ADGRG1: variants seen among roughly 807,000 people sequenced by gnomAD.
ADGRG1 encodes 7-transmembrane protein with no EGF-like N-terminal domains-1.
Under a neutral mutation model 73.5 loss-of-function variants are expected in ADGRG1, and 53 were observed. The observed-to-expected ratio is 0.72, with a 90% CI of 0.58 to 0.91. ADGRG1 has a LOEUF of 0.91. Ranked by LOEUF, ADGRG1 falls within the 40% of genes least tolerant of loss-of-function variation. The pLI is 0.00. For synonymous variants in ADGRG1, 394 were observed against 374.4 expected (o/e 1.05, Z -0.60); for missense variants, 795 against 871.8 (o/e 0.91, Z 1.11).
chr16:57,665,446 A>T lies in ADGRG1; in HGVS notation c.*1864A>T, dbSNP rs935811829. 21 of 152,194 alleles carry T rather than the reference A, an allele frequency of 1.4e-4. No homozygotes were observed. The highest frequency in any genetic ancestry group is 4.8e-4 in the African/African-American group (20 of 41,442). The allele number at this position is 152,194 out of a possible 1,614,324, so 9.4% of individuals were successfully genotyped here. ...ATTTTAAAATTTTGGCGAATCCAAA[A>T]CATTTTCTGGCCAAAGAGATTACAG... On this transcript the variant is annotated 3_prime_UTR_variant, in exon 14 of 14. Coordinates refer to ENST00000562631, the MANE Select transcript of ADGRG1 (RefSeq NM_201525.4).
rs2040157065 is a variant in ADGRG1 at position 57,639,333 on chromosome 16, G to C, written c.-36+10531G>C. 7.1e-6 allele frequency: 7 copies of C among 985,524 alleles called. No homozygotes were observed. In the South Asian group the frequency reaches 2.3e-4, roughly 33 times the overall value. 61.0% of individuals were successfully genotyped at this position (985,524 alleles called of 1,614,324 possible). On this transcript the variant is annotated intron_variant, in intron 1 of 13. Coordinates refer to ENST00000562631, the MANE Select transcript of ADGRG1 (RefSeq NM_201525.4). ...ACAAGTTACGGAGCCACGTTGCTTTGCTGGGTCTGAGCCGGGGTGTGACGT... is the reference window on the plus strand; with the variant it reads ...ACAAGTTACGGAGCCACGTTGCTTTCCTGGGTCTGAGCCGGGGTGTGACGT...
upstream of ADGRG1, chr16:57,626,619 G>GGCAGCTGGCTCCGCACTCTCTTCA: frequency 1.0e-6 from 1 of 985,454 alleles, no homozygotes; most frequent in Non-Finnish European, 1.2e-6. Context: ...TGGCCAGAGT[G>GGCAGCTGGCTCCGCACTCTCTTCA]GCAGCTGGCT....
intron 1 of ADGRG1, chr16:57,643,542 G>T (rs1314745259): frequency 3.0e-5 from 30 of 984,090 alleles, no homozygotes; most frequent in Non-Finnish European, 3.6e-5. Context: ...GGACAGTGAG[G>T]CCTGAGCTGG....
chr16:57,648,962 G>A (rs2043341431), intron 1 of ADGRG1, among the ~76,000 whole-genome samples: 1 of 152,234 alleles, frequency 6.6e-6, no homozygotes, highest in African/African-American at 2.4e-5. Context: ...CTGTGCAATG[G>A]GTCAACAGCA....
chr16:57,624,734 C>T (rs1244656710), upstream of ADGRG1: 3 of 983,362 alleles, frequency 3.1e-6, no homozygotes, highest in Admixed American at 6.1e-5. Context: ...GATGCCCTAA[C>T]CCCTTATCCC....
At chr16:57,644,292 T>C in intron 1 of ADGRG1, 1 of 662,694 alleles carries the variant, frequency 1.5e-6, no homozygotes, top group South Asian at 6.7e-5. Context: ...CACACACTCA[T>C]GCTCAGGCAC....
chr16:57,628,435 C>T (rs1298524183), upstream of ADGRG1: 5 of 813,616 alleles, frequency 6.1e-6, no homozygotes, highest in Non-Finnish European at 7.4e-6. Context: ...CCTTGCCCGG[C>T]GCTGAGTCAT....
At chr16:57,624,042 T>A (rs1254061935), upstream of ADGRG1, 1 of 279,052 alleles carries the variant, frequency 3.6e-6, no homozygotes, top group East Asian at 1.7e-4. Flanking sequence ...AATGGTGGAG[T>A]TCTGGGCCTT....
intron 6 of ADGRG1, 60 bp from the exon 7 acceptor site, chr16:57,655,816 G>A (rs2045572438): frequency 3.1e-6 from 5 of 1,613,548 alleles, no homozygotes; most frequent in African/African-American, 1.3e-5. Context: ...GGGCTTCTGG[G>A]CCCTTCTTCT....
chr16:57,662,699 G>A (rs1469099874), intron 13 of ADGRG1, among the ~76,000 whole-genome samples: 1 of 152,228 alleles, frequency 6.6e-6, no homozygotes, highest in Middle Eastern at 3.4e-3. Context: ...GCGGGTCGGG[G>A]CGGAGAGGTG....
upstream of ADGRG1, among the ~76,000 whole-genome samples, chr16:57,623,517 G>A (rs1195882024): frequency 2.0e-5 from 3 of 152,216 alleles, no homozygotes; most frequent in African/African-American, 7.2e-5. Context: ...CATCTGAGCT[G>A]GCACCAAGGC....
Position 57,628,719 on chromosome 16 carries a change from G to T in ADGRG1, c.-119G>T. ...CACTCGGCAGGCAGCGGGGACCAGG[G>T]CTGGCAGGTTAAGCCTCTGGGGGTG... On this transcript the variant is annotated 5_prime_UTR_variant, in exon 1 of 14. Transcript: ENST00000562631. 1 of 985,550 alleles carries T rather than the reference G, an allele frequency of 1.0e-6. No homozygotes were observed. Among genetic ancestry groups the T allele is most frequent in the Non-Finnish European group, 1.2e-6 (1 of 829,990 alleles). The allele number at this position is 985,550 out of a possible 1,614,324, so 61.1% of individuals were successfully genotyped here. A position where few individuals can be genotyped will look rare whatever the true frequency, so the allele number is the denominator to read the frequency against.
chr16:57,628,290 C>T (rs928685142), upstream of ADGRG1: 25 of 669,920 alleles, frequency 3.7e-5, no homozygotes, highest in Non-Finnish European at 4.2e-5. Context: ...GTGGCAACCC[C>T]GGCCTCTCTG....
At chr16:57,626,891 C>T (rs1282007336), upstream of ADGRG1, 1 of 984,048 alleles carries the variant, frequency 1.0e-6, no homozygotes, top group African/African-American at 1.7e-5. Flanking sequence ...ACTCACTTGT[C>T]CTCCCTTGTT....
At position 57,647,159 on chromosome 16, in the gene ADGRG1, C is replaced by G. The variant is rs560631286; in HGVS notation, c.-35-3094C>G. ...GAAGGAGGGGCGCTAAGTGGACAAG[C>G]GTGACAGTGTCCCCCTGCCCAATCT... On this transcript the variant is annotated intron_variant, in intron 1 of 13. Transcript: ENST00000562631. 1.3e-3 allele frequency: 1,256 copies of G among 985,366 alleles called. 30 individuals carry two copies. The South Asian group carries it at 0.049, about 39-fold the overall frequency. The allele number at this position is 985,366 out of a possible 1,614,324, so 61.0% of individuals were successfully genotyped here.
intron 1 of ADGRG1, chr16:57,629,005 T>A: frequency 4.0e-6 from 2 of 504,874 alleles, no homozygotes; most frequent in Non-Finnish European, 2.5e-6. Context: ...AGTGTGAGTG[T>A]GAGAGTGTGA....
rs1393475143 is a variant in ADGRG1 at position 57,663,840 on chromosome 16, C to G, written c.*258C>G. 3.6e-6 allele frequency: 2 copies of G among 559,048 alleles called. No individual in the cohort carries two copies. The highest frequency in any genetic ancestry group is 6.4e-6 in the Non-Finnish European group (2 of 310,620). The allele number at this position is 559,048 out of a possible 1,614,324, so 34.6% of individuals were successfully genotyped here. On this transcript the variant is annotated 3_prime_UTR_variant, in exon 14 of 14. Coordinates refer to ENST00000562631, the MANE Select transcript of ADGRG1 (RefSeq NM_201525.4). ...CCGCCATGCTGCCTAGGGTACTGTC[C>G]CCACATCTGTCCCAACCCAGCTGGA...
chr16:57,645,076 C>T (rs2042247813), intron 1 of ADGRG1: 1 of 985,302 alleles, frequency 1.0e-6, no homozygotes, highest in African/African-American at 1.7e-5. Context: ...CACACACCCA[C>T]ATGCCTGTGT....
chr16:57,630,396 T>C, intron 1 of ADGRG1: 4 of 985,786 alleles, frequency 4.1e-6, no homozygotes, highest in Non-Finnish European at 4.8e-6. Context: ...ACCCGAGATA[T>C]GCACCCACCT....
Sources: allele counts gnomAD v4.1 joint callset (sites outside exome capture counted in the v4.1 genomes callset), GRCh38; gene constraint gnomAD v4.1.1; transcripts MANE v1.5; gene names NCBI Gene and HGNC (gene_info 2026-07-23, HGNC 2026-07-21).